SECISBP2L: variants seen among roughly 807,000 people sequenced by gnomAD.
SECISBP2L encodes the protein SECIS binding protein 2 like.
SECISBP2L carries 43 observed loss-of-function variants against 114.7 expected under a neutral mutation model. That is an observed-to-expected ratio of 0.38 (90% confidence interval 0.29 to 0.48). The LOEUF is 0.48. Among genes scored for constraint, SECISBP2L ranks in the 20% least tolerant of loss-of-function variants. The pLI is 0.98. For synonymous variants in SECISBP2L, 451 were observed against 439.7 expected, an observed-to-expected ratio of 1.03 and a Z score of -0.32; for missense variants, 1,136 against 1,301.1, an observed-to-expected ratio of 0.87 and a Z score of 1.95.
chr15:49,019,616 T>A (rs1041535742), intron 7 of SECISBP2L, 64 bp from the exon 8 acceptor site: 5 of 1,267,230 alleles, frequency 3.9e-6, no homozygotes, highest in Non-Finnish European at 5.0e-6. Context: ...CACTCAAATA[T>A]ATAACATACT....
intron 11 of SECISBP2L, among the ~76,000 whole-genome samples, chr15:49,016,114 A>G (rs1308040103): frequency 6.6e-6 from 1 of 152,226 alleles, no homozygotes; most frequent in East Asian, 1.9e-4. Context: ...GCCAAGTGAA[A>G]TGAAGCACTG....
chr15:49,017,037 C>T lies in SECISBP2L; in HGVS notation c.1252-22G>A, dbSNP rs781768841. On this transcript the variant is annotated intron_variant, in intron 9 of 17. Transcript: ENST00000559471. ...CCAACTATGATAACCAGAAAAAACACATTTGTTAGTGATCCCATAAAAGTC... is the reference window on the plus strand; with the variant it reads ...CCAACTATGATAACCAGAAAAAACATATTTGTTAGTGATCCCATAAAAGTC... 10 of 1,603,450 alleles carry T rather than the reference C, an allele frequency of 6.2e-6. No individual in the cohort carries two copies. In the South Asian group the frequency reaches 1.1e-4, roughly 18 times the overall value.
At chr15:49,023,513 T>C (rs1216099125) in intron 7 of SECISBP2L, among the ~76,000 whole-genome samples, 2 of 152,218 alleles carry the variant, frequency 1.3e-5, no homozygotes, top group African/African-American at 2.4e-5. Context: ...AAACAACAGA[T>C]GAATTTACCT....
chr15:49,026,695 T>C (rs1029988893), intron 7 of SECISBP2L, among the ~76,000 whole-genome samples: 1 of 152,202 alleles, frequency 6.6e-6, no homozygotes, highest in Non-Finnish European at 1.5e-5. Context: ...TATTCACAGA[T>C]GAACATGTCC....
chr15:49,014,519 G>C (rs1239306170), intron 11 of SECISBP2L, among the ~76,000 whole-genome samples: 2 of 152,036 alleles, frequency 1.3e-5, no homozygotes, highest in Non-Finnish European at 2.9e-5. Flanking sequence ...GGCAGCATCT[G>C]CTCTTCCCAA....
chr15:49,026,239 T>C (rs1455290229), intron 7 of SECISBP2L, among the ~76,000 whole-genome samples: 1 of 152,018 alleles, frequency 6.6e-6, no homozygotes, highest in Non-Finnish European at 1.5e-5. Flanking sequence ...GGGAGAGGGA[T>C]AGGGAAAGGT....
intron 1 of SECISBP2L, among the ~76,000 whole-genome samples, chr15:49,039,906 C>T (rs919579236): frequency 9.2e-5 from 14 of 152,068 alleles, no homozygotes; most frequent in South Asian, 2.1e-4. Context: ...AGTAGACATT[C>T]GGGGTTTTTT....
chr15:49,016,782 CTTCT>C, intron 10 of SECISBP2L, 62 bp downstream of exon 10: 1 of 1,555,168 alleles, frequency 6.4e-7, no homozygotes, highest in Middle Eastern at 1.7e-4. Flanking sequence ...TTTATCACTC[CTTCT>C]ATCTATTCCA....
At chr15:49,021,679 G>A (rs1902642194) in intron 7 of SECISBP2L, among the ~76,000 whole-genome samples, 1 of 152,072 alleles carries the variant, frequency 6.6e-6, no homozygotes, top group South Asian at 2.1e-4. Context: ...ATGTATTAAC[G>A]GTGTTACAAA....
chr15:49,008,822 C>T (rs985466585), intron 14 of SECISBP2L, among the ~76,000 whole-genome samples: 1 of 152,126 alleles, frequency 6.6e-6, no homozygotes, highest in Admixed American at 6.5e-5. Context: ...AGGTTCACTT[C>T]ATATAATAGG....
chr15:49,016,823 T>C (rs1902546347), intron 10 of SECISBP2L, 25 bp downstream of exon 10: 1 of 1,603,980 alleles, frequency 6.2e-7, no homozygotes, highest in Non-Finnish European at 8.5e-7. Flanking sequence ...AACTATCACA[T>C]TTGTTCATAA....
intron 16 of SECISBP2L, 134 bp downstream of exon 16, chr15:48,999,699 T>G: frequency 1.1e-6 from 1 of 930,024 alleles, no homozygotes. Flanking sequence ...CTCAAAAAAT[T>G]TCCATTTATT....
chr15:49,039,336 T>C (rs1903072886), intron 1 of SECISBP2L, among the ~76,000 whole-genome samples: 1 of 152,094 alleles, frequency 6.6e-6, no homozygotes. Flanking sequence ...AACTCACTTA[T>C]ATAGGACACA....
chr15:49,031,592 A>T (rs903094240), intron 4 of SECISBP2L, among the ~76,000 whole-genome samples: 5 of 152,184 alleles, frequency 3.3e-5, no homozygotes, highest in Middle Eastern at 3.2e-3. Context: ...CTAATGAACT[A>T]TAATATTTAA....
rs921022063 is a variant in SECISBP2L, at chr15:49,017,067, A to G, written c.1252-52T>C. On this transcript the variant is annotated intron_variant, in intron 9 of 17. Coordinates refer to ENST00000559471, the MANE Select transcript of SECISBP2L (RefSeq NM_001193489.2). The stretch of plus-strand genomic sequence containing the variant: ...GTTAGTGATCCCATAAAAGTCAATC[A>G]TAAGGAAAAAGGATCCAGAATGTGG... The G allele has an allele frequency of 2.5e-6, 4 of 1,573,044 alleles. No homozygotes were observed. The African/African-American group carries it at 4.1e-5, about 16-fold the overall frequency.
intron 15 of SECISBP2L, among the ~76,000 whole-genome samples, chr15:49,000,535 G>A (rs1320844537): frequency 6.6e-6 from 1 of 152,126 alleles, no homozygotes; most frequent in Non-Finnish European, 1.5e-5. Flanking sequence ...TGAAACTGCT[G>A]GTTTCTCAGA....
intron 9 of SECISBP2L, among the ~76,000 whole-genome samples, chr15:49,017,217 G>A (rs191487763): frequency 3.2e-4 from 49 of 152,322 alleles, no homozygotes; most frequent in Non-Finnish European, 5.3e-4. Context: ...AATGCAGTGG[G>A]TGATGGCTGC....
rs886767255 is a variant in SECISBP2L, at chr15:49,046,441, G to A, written c.-142C>T. On this transcript the variant is annotated 5_prime_UTR_variant, in exon 1 of 18. Transcript: ENST00000559471. ...CTGGCCGCGACACCGATTCGGCTAC[G>A]CCACTGGCCGAGGAGGCGGCTCCAG... 35 of 911,566 alleles carry A rather than the reference G, an allele frequency of 3.8e-5. No homozygotes were observed. The Admixed American group carries it at 5.5e-4, about 14-fold the overall frequency. 56.5% of individuals were successfully genotyped at this position (911,566 alleles called of 1,614,324 possible). A position where few individuals can be genotyped will look rare whatever the true frequency, so the allele number is the denominator to read the frequency against.
chr15:48,997,407 A>G (rs1902117023), intron 16 of SECISBP2L, among the ~76,000 whole-genome samples: 1 of 152,262 alleles, frequency 6.6e-6, no homozygotes, highest in Non-Finnish European at 1.5e-5. Context: ...TGATGAAAAG[A>G]TAACACAAGA....
Sources: allele counts gnomAD v4.1 joint callset (sites outside exome capture counted in the v4.1 genomes callset), GRCh38; gene constraint gnomAD v4.1.1; transcripts MANE v1.5; gene names NCBI Gene and HGNC (gene_info 2026-07-23, HGNC 2026-07-21).